Variants in MYO19 observed in about 807,000 individuals in gnomAD.
MYO19 encodes the protein unconventional myosin-XIX.
MYO19 carries 132 observed loss-of-function variants against 129.2 expected under a neutral mutation model. That is an observed-to-expected ratio of 1.02 (90% CI 0.89 to 1.18). MYO19 has a LOEUF of 1.18. MYO19 is among the 50% of genes most tolerant of loss of function. The pLI is 0.00. For synonymous variants in MYO19, 531 were observed against 477.2 expected, an observed-to-expected ratio of 1.11 and a Z score of -1.47; for missense variants, 1,210 against 1,216.7, an observed-to-expected ratio of 0.99 and a Z score of 0.08.
intron 19 of MYO19, 169 bp downstream of exon 19, chr17:36,505,128 C>T (rs1229382687): frequency 1.3e-6 from 1 of 776,514 alleles, no homozygotes; most frequent in Non-Finnish European, 2.3e-6. Flanking sequence ...CACAACCATA[C>T]ATGCCTGCCC....
intron 9 of MYO19, among the ~76,000 whole-genome samples, chr17:36,514,105 T>C (rs755780153): frequency 1.3e-5 from 2 of 152,134 alleles, no homozygotes; most frequent in Non-Finnish European, 2.9e-5. Flanking sequence ...GGCACAACTC[T>C]AGGGAAGCCC....
rs2072608935 is a variant in MYO19, at chr17:36,514,565, C to T, written c.618-17G>A. On this transcript the variant is annotated splice_polypyrimidine_tract_variant and intron_variant, in intron 8 of 25. Transcript: ENST00000614623. ...TGCTGAGCCCTGGGACACACACAGG[C>T]CAGAGCCCGTTAGTTGCCCATTCAT... 1.9e-6 allele frequency: 3 copies of T among 1,541,718 alleles called. No individual in the cohort carries two copies. Among genetic ancestry groups the T allele is most frequent in the African/African-American group, 2.7e-5 (2 of 73,622 alleles).
intron 6 of MYO19, among the ~76,000 whole-genome samples, chr17:36,516,806 C>T (rs2072782881): frequency 1.3e-5 from 2 of 152,240 alleles, no homozygotes; most frequent in Non-Finnish European, 2.9e-5. Flanking sequence ...CCTATCACCT[C>T]ACTAAACGCT....
At chr17:36,521,263 C>T (rs1361370130) in intron 6 of MYO19, among the ~76,000 whole-genome samples, 1 of 152,070 alleles carries the variant, frequency 6.6e-6, no homozygotes, top group Non-Finnish European at 1.5e-5. Context: ...TGTTTAATGC[C>T]TTATTTTAAA....
Position 36,495,828 on chromosome 17 carries a change from G to C in MYO19, c.*423C>G. 1 of 1,241,398 alleles carries C rather than the reference G, an allele frequency of 8.1e-7. No homozygotes were observed. The highest frequency in any genetic ancestry group is 1.0e-6 in the Non-Finnish European group (1 of 993,622). The allele number at this position is 1,241,398 out of a possible 1,614,324, so 76.9% of individuals were successfully genotyped here. ...TCAACTAATTAAATACTAAAGTTTT[G>C]TTCCTTTTTAAAGGAAATAACCACA... On this transcript the variant is annotated 3_prime_UTR_variant, in exon 26 of 26. Coordinates refer to ENST00000614623, the MANE Select transcript of MYO19 (RefSeq NM_001163735.2).
In MYO19 at chr17:36,496,201, G is replaced by T; in HGVS notation, c.*50C>A. ...AGCTGTGTGCTGATTAAATGTCTTT[G>T]GCAAGGCAGGGGGCAGGAAAAGGCC... On this transcript the variant is annotated 3_prime_UTR_variant, in exon 26 of 26. Coordinates refer to ENST00000614623, the MANE Select transcript of MYO19 (RefSeq NM_001163735.2). The T allele has an allele frequency of 6.2e-7, 1 of 1,604,674 alleles. No individual in the cohort carries two copies. The highest frequency in any genetic ancestry group is 8.5e-7 in the Non-Finnish European group (1 of 1,173,562).
At chr17:36,512,156 G>C (rs1469450388) in intron 11 of MYO19, among the ~76,000 whole-genome samples, 4 of 150,408 alleles carry the variant, frequency 2.7e-5, no homozygotes, top group African/African-American at 2.5e-5. Context: ...TTTAAGACCA[G>C]CCTGACCAAT....
intron 25 of MYO19, 108 bp from the exon 26 acceptor site, chr17:36,496,514 T>TAG (rs1238692462): frequency 9.8e-7 from 1 of 1,018,954 alleles, no homozygotes; most frequent in Non-Finnish European, 1.5e-6. Flanking sequence ...GGACAAGTAC[T>TAG]AGTATTGGGG....
intron 2 of MYO19, among the ~76,000 whole-genome samples, chr17:36,541,558 T>C (rs1299556628): frequency 6.6e-6 from 1 of 152,178 alleles, no homozygotes; most frequent in African/African-American, 2.4e-5. Context: ...AAAAGAATGG[T>C]AGTTTGCTGA....
chr17:36,514,890 C>T (rs2142095150), intron 8 of MYO19, among the ~76,000 whole-genome samples: 1 of 152,308 alleles, frequency 6.6e-6, no homozygotes, highest in East Asian at 1.9e-4. Flanking sequence ...AGGAGGAACC[C>T]AGGCCTGAAT....
At chr17:36,522,523 A>C (rs191744459) in intron 6 of MYO19, among the ~76,000 whole-genome samples, 89 of 152,092 alleles carry the variant, frequency 5.9e-4, no homozygotes, top group African/African-American at 2.0e-3. Flanking sequence ...AAAAGAAAAA[A>C]AAAAATAGAA....
At position 36,506,626 on chromosome 17, in the gene MYO19, G is replaced by A; in HGVS notation, c.1645-18C>T. On this transcript the variant is annotated intron_variant, in intron 17 of 25. Transcript: ENST00000614623. ...ATAGGGTCCTATTGGGAAATGGCAA[G>A]AGCAGCAGTGAGGGCAGGTGGAGCT... The A allele has an allele frequency of 4.0e-6, 6 of 1,516,026 alleles. No homozygotes were observed. Among genetic ancestry groups the A allele is most frequent in the Non-Finnish European group, 3.5e-6 (4 of 1,135,194 alleles). The allele number at this position is 1,516,026 out of a possible 1,614,324, so 93.9% of individuals were successfully genotyped here. A position where few individuals can be genotyped will look rare whatever the true frequency, so the allele number is the denominator to read the frequency against.
At chr17:36,507,242 GCAT>G (rs900421571) in intron 16 of MYO19, 103 bp from the exon 17 acceptor site, 1 of 1,492,452 alleles carries the variant, frequency 6.7e-7, no homozygotes, top group African/African-American at 1.4e-5. Flanking sequence ...CATCACACAG[GCAT>G]CATAGTGTCC....
chr17:36,497,695 A>G, intron 25 of MYO19: 2 of 271,926 alleles, frequency 7.4e-6, no homozygotes, highest in Non-Finnish European at 5.6e-6. Context: ...AGCAATTCTC[A>G]TGCCTCAGCC....
intron 23 of MYO19, 96 bp downstream of exon 23, chr17:36,500,734 G>A: frequency 6.8e-7 from 1 of 1,471,868 alleles, no homozygotes; most frequent in Non-Finnish European, 9.1e-7. Context: ...CTGGGACACA[G>A]CTTCAGGAGA....
rs150605170 is a variant in MYO19 at position 36,507,486 on chromosome 17, C to T, written c.1380G>A (p.Glu460=). The T allele has an allele frequency of 1.5e-4, 238 of 1,613,738 alleles. 1 individual carries two copies. In the East Asian group the frequency reaches 4.6e-3, roughly 31 times the overall value. The change falls in exon 16 of 26, where the codon GAG becomes GAA. Residue 460 remains glutamate (E), a synonymous_variant. Coordinates refer to ENST00000614623, the MANE Select transcript of MYO19 (RefSeq NM_001163735.2). ...TGTCCTGGTAGTTGATGAATGACCACTCCAGGCCCTCAACTGCGTATTCCT... is the reference window on the plus strand; with the variant it reads ...TGTCCTGGTAGTTGATGAATGACCATTCCAGGCCCTCAACTGCGTATTCCT... ...QQEEYAVEGL[E]WSFINYQDNQ...
chr17:36,525,194 G>T, intron 6 of MYO19, 34 bp downstream of exon 6: 1 of 1,502,866 alleles, frequency 6.7e-7, no homozygotes, highest in Non-Finnish European at 9.3e-7. Context: ...CCAGCCAGTC[G>T]TGAGTTGACA....
upstream of MYO19, among the ~76,000 whole-genome samples, chr17:36,543,952 C>A (rs1219019465): frequency 6.6e-6 from 1 of 152,172 alleles, no homozygotes; most frequent in Non-Finnish European, 1.5e-5. Flanking sequence ...AAAGGTATCA[C>A]AGCTCCAGGA....
intron 2 of MYO19, among the ~76,000 whole-genome samples, chr17:36,540,291 TCCTC>T (rs1406831078): frequency 6.6e-6 from 1 of 151,940 alleles, no homozygotes; most frequent in African/African-American, 2.4e-5. Context: ...CTTCACGTGA[TCCTC>T]CCATCACAGC....
Sources: gnomAD v4.1 joint callset for allele counts (sites outside exome capture counted in the v4.1 genomes callset) on GRCh38, gnomAD v4.1.1 for gene constraint, MANE v1.5 for transcripts, NCBI Gene and HGNC (gene_info 2026-07-23, HGNC 2026-07-21) for gene names.